The following USP31 variants were observed in gnomAD, a reference collection of about 807,000 sequenced individuals.
USP31 encodes the protein ubiquitin specific peptidase 31, also known as ubiquitin carboxyl-terminal hydrolase 31.
In USP31, 44 loss-of-function variants were observed where a neutral mutation model predicts 119.4. That is an observed-to-expected ratio of 0.37 (90% confidence interval 0.29 to 0.47). The LOEUF is 0.47. Ranked by LOEUF, USP31 falls within the 20% of genes least tolerant of loss-of-function variation. The pLI is 0.99. For synonymous variants in USP31, 749 were observed against 705.6 expected (o/e 1.06, Z -0.97); for missense variants, 1,643 against 1,730.2 (o/e 0.95, Z 0.89).
Position 23,082,831 on chromosome 16 carries a change from C to CTTTTTTTTTT in USP31, c.1831-284_1831-275dup, listed in dbSNP as rs71151692. Among the ~76,000 whole-genome samples the CTTTTTTTTTT allele has an allele frequency of 7.2e-3, 929 of 129,210 alleles. 36 individuals are homozygous for CTTTTTTTTTT. The highest frequency in any genetic ancestry group is 7.6e-3 in the Admixed American group (89 of 11,778). The allele number at this position is 129,210 out of a possible 152,430, so 84.8% of individuals were successfully genotyped here. On this transcript the variant is annotated intron_variant, in intron 11 of 15. Coordinates refer to ENST00000219689, the MANE Select transcript of USP31 (RefSeq NM_020718.4). ...TAAATATGTTACTTTCTTTCTCTCT[C>CTTTTTTTTTT]TTTTTTTTTTTTTTTTTGAAACAGA...
chr16:23,126,126 G>T (rs1423766923), intron 1 of USP31, among the ~76,000 whole-genome samples: 4 of 151,570 alleles, frequency 2.6e-5, no homozygotes, highest in Non-Finnish European at 5.9e-5. Context: ...GACCAGCCTA[G>T]GCAATATACC....
chr16:23,086,878 T>C (rs1157358074), intron 9 of USP31, among the ~76,000 whole-genome samples: 1 of 152,180 alleles, frequency 6.6e-6, no homozygotes, highest in East Asian at 1.9e-4. Flanking sequence ...TTAATTTGCT[T>C]TCCTAACCCA....
At chr16:23,138,132 C>G (rs1903248818) in intron 1 of USP31, among the ~76,000 whole-genome samples, 1 of 152,156 alleles carries the variant, frequency 6.6e-6, no homozygotes, top group African/African-American at 2.4e-5. Context: ...AAGAACCAAA[C>G]TAGGTCAAAT....
intron 1 of USP31, among the ~76,000 whole-genome samples, chr16:23,118,910 T>C (rs1233365096): frequency 1.3e-5 from 2 of 150,950 alleles, no homozygotes; most frequent in African/African-American, 2.4e-5. Flanking sequence ...GAGGCGGAGG[T>C]TGCAGTCAAC....
intron 1 of USP31, among the ~76,000 whole-genome samples, chr16:23,121,019 C>T (rs1902650022): frequency 6.6e-6 from 1 of 152,096 alleles, no homozygotes; most frequent in African/African-American, 2.4e-5. Flanking sequence ...AACTGAACAG[C>T]CGATTTTATA....
intron 6 of USP31, 126 bp from the exon 7 acceptor site, chr16:23,090,930 CA>C (rs1567232383): frequency 5.8e-6 from 5 of 858,246 alleles, no homozygotes; most frequent in Non-Finnish European, 8.3e-6. Flanking sequence ...AAACTGCAAT[CA>C]AAAAAAGAAA....
chr16:23,136,381 G>A (rs775475754), intron 1 of USP31, among the ~76,000 whole-genome samples: 3 of 152,152 alleles, frequency 2.0e-5, no homozygotes, highest in Non-Finnish European at 2.9e-5. Flanking sequence ...GGCTGGGCAC[G>A]GCGGCTCACA....
At chr16:23,091,895 A>C (rs1319077098) in intron 6 of USP31, among the ~76,000 whole-genome samples, 4 of 152,258 alleles carry the variant, frequency 2.6e-5, no homozygotes, top group Non-Finnish European at 5.9e-5. Context: ...CTCTGGTATG[A>C]GAAAATAAAA....
intron 5 of USP31, among the ~76,000 whole-genome samples, chr16:23,103,679 C>A (rs1161897120): frequency 1.3e-5 from 2 of 152,176 alleles, no homozygotes; most frequent in Non-Finnish European, 2.9e-5. Flanking sequence ...CTTTGGGAGG[C>A]CAAGACAGAA....
At chr16:23,098,447 T>G (rs551134588) in intron 6 of USP31, among the ~76,000 whole-genome samples, 1 of 152,282 alleles carries the variant, frequency 6.6e-6, no homozygotes, top group South Asian at 2.1e-4. Flanking sequence ...TACCAATGAC[T>G]TTCTTCACAG....
rs1901312785 is a variant in USP31, at chr16:23,090,583, T to C, written c.1415+41A>G. 2.6e-6 allele frequency: 4 copies of C among 1,521,220 alleles called. No homozygotes were observed. The Admixed American group carries it at 5.5e-5, about 21-fold the overall frequency. 94.2% of individuals were successfully genotyped at this position (1,521,220 alleles called of 1,614,324 possible). ...TAACATGTTTGAAAATACTGAACTG[T>C]TACAGTCTAGGTACTTACTGGAAAA... is the stretch of plus-strand genomic sequence containing the variant. On this transcript the variant is annotated intron_variant, in intron 7 of 15. Transcript: ENST00000219689.
At chr16:23,121,750 T>G (rs1902676160) in intron 1 of USP31, among the ~76,000 whole-genome samples, 1 of 152,146 alleles carries the variant, frequency 6.6e-6, no homozygotes, top group African/African-American at 2.4e-5. Flanking sequence ...ATTACAACAG[T>G]GGGGTACCAC....
intron 13 of USP31, chr16:23,079,687 C>T: frequency 2.8e-6 from 1 of 351,098 alleles, no homozygotes; most frequent in Non-Finnish European, 5.1e-6. Flanking sequence ...AGCAAATCCT[C>T]AGTTGACCAG....
intron 13 of USP31, chr16:23,079,710 G>A (rs1900731543): frequency 3.6e-5 from 16 of 446,276 alleles, no homozygotes; most frequent in South Asian, 4.4e-5. Context: ...AATGCCATCT[G>A]CACATACCAC....
chr16:23,087,071 T>C (rs765255568), intron 9 of USP31, 21 bp downstream of exon 9: 1 of 1,591,296 alleles, frequency 6.3e-7, no homozygotes, highest in South Asian at 1.1e-5. Context: ...AAAAGGTAAT[T>C]TAAAAAAAAA....
At position 23,149,127 on chromosome 16, in the gene USP31, C is replaced by T. The variant is rs1470720530; in HGVS notation, c.144G>A (p.Ala48=). 3.2e-6 allele frequency: 4 copies of T among 1,251,802 alleles called. No individual in the cohort carries two copies. The highest frequency in any genetic ancestry group is 4.2e-5 in the East Asian group (1 of 23,678). The allele number at this position is 1,251,802 out of a possible 1,614,324, so 77.5% of individuals were successfully genotyped here. ...AGGPGASGPA[A]PSSPSSPSSA... ...AGGAGGGCGAGGAGGGCGAGGAAGG[C>T]GCGGCCGGCCCGGACGCCCCGGGGC... Residue 48 remains alanine, a synonymous_variant, in exon 1 of 16, where the codon GCG becomes GCA. Transcript: ENST00000219689.
At position 23,109,707 on chromosome 16, in the gene USP31, T is replaced by C. The variant is rs565231268; in HGVS notation, c.634-1524A>G. On this transcript the variant is annotated intron_variant, in intron 1 of 15. Coordinates refer to ENST00000219689, the MANE Select transcript of USP31 (RefSeq NM_020718.4). Reference sequence around the variant, plus strand: ...CAAGGTTGACATCACCAGTGGTAAGTCAGGTTGCTAGCATGTGCACTTGAT... The same window carrying C: ...CAAGGTTGACATCACCAGTGGTAAGCCAGGTTGCTAGCATGTGCACTTGAT... Among the ~76,000 whole-genome samples, 20 of 152,168 alleles carry C rather than the reference T, an allele frequency of 1.3e-4. 1 individual carries two copies. The South Asian group carries it at 4.2e-3, about 32-fold the overall frequency.
intron 1 of USP31, 131 bp from the exon 2 acceptor site, chr16:23,108,314 A>C (rs185261515): frequency 7.9e-7 from 1 of 1,259,278 alleles, no homozygotes; most frequent in East Asian, 2.7e-5. Flanking sequence ...AGGAGTGCAA[A>C]GTAAAAACAG....
rs1177891930 is a variant in USP31, at chr16:23,064,520, T to C, written c.*3526A>G. On this transcript the variant is annotated 3_prime_UTR_variant, in exon 16 of 16. Coordinates refer to ENST00000219689, the MANE Select transcript of USP31 (RefSeq NM_020718.4). ...CGTAAAGTGACTGTGTAATGGATTTTCAACCCCTAAATAGTAGAGACAGCT... is the reference window on the plus strand; with the variant it reads ...CGTAAAGTGACTGTGTAATGGATTTCCAACCCCTAAATAGTAGAGACAGCT... 6.6e-6 allele frequency: 1 copy of C among 152,228 alleles called. No individual in the cohort carries two copies. Among genetic ancestry groups the C allele is most frequent in the East Asian group, 1.9e-4 (1 of 5,196 alleles). 9.4% of individuals were successfully genotyped at this position (152,228 alleles called of 1,614,324 possible).
Sources: allele counts gnomAD v4.1 joint callset (sites outside exome capture counted in the v4.1 genomes callset), GRCh38; gene constraint gnomAD v4.1.1; transcripts MANE v1.5; gene names NCBI Gene and HGNC (gene_info 2026-07-23, HGNC 2026-07-21).